Variants in PLXDC2 observed in about 807,000 individuals in gnomAD.
PLXDC2 encodes plexin domain-containing protein 2.
Under a neutral mutation model 68.9 loss-of-function variants are expected in PLXDC2, and 40 were observed. The ratio of observed to expected loss-of-function variants is 0.58; its 90% CI spans 0.45 to 0.76. The LOEUF (loss-of-function observed/expected upper bound fraction) is 0.76. PLXDC2 is among the 30% of genes least tolerant of loss of function. The probability of loss-of-function intolerance (pLI) is 0.00; values close to 1 mark genes in which losing one functional copy is unlikely to be tolerated. For missense variants in PLXDC2, 644 were observed against 661.9 expected, an observed-to-expected ratio of 0.97 and a Z score of 0.30; for synonymous variants, 243 against 234.2, an observed-to-expected ratio of 1.04 and a Z score of -0.34.
chr10:20,185,200 T>G (rs1018406248), intron 9 of PLXDC2, among the ~76,000 whole-genome samples: 1 of 147,464 alleles, frequency 6.8e-6, no homozygotes, highest in African/African-American at 2.5e-5. Context: ...ATGGGTATTT[T>G]CCATACAGTG....
In PLXDC2 at chr10:20,149,429, G is replaced by A. The variant is rs139599365; in HGVS notation, c.783+1527G>A. 1.1e-3 allele frequency among the ~76,000 whole-genome samples: 174 copies of A among 151,602 alleles called. 2 individuals carry two copies. The highest frequency in any genetic ancestry group is 4.0e-3 in the African/African-American group (167 of 41,388). On this transcript the variant is annotated intron_variant, in intron 6 of 13. Coordinates refer to ENST00000377252, the MANE Select transcript of PLXDC2 (RefSeq NM_032812.9). ...AATTTTTGTATTTTTAGTAGAGACG[G>A]GGTTTCTCCATGTTGATCAGGCTGG... is the stretch of plus-strand genomic sequence containing the variant.
At chr10:20,054,691 C>T (rs1002367840) in intron 3 of PLXDC2, among the ~76,000 whole-genome samples, 11 of 151,736 alleles carry the variant, frequency 7.2e-5, no homozygotes, top group East Asian at 3.9e-4. Flanking sequence ...CATCACACAC[C>T]GGGGCCTATT....
chr10:20,034,516 T>G (rs1835547750), intron 2 of PLXDC2, among the ~76,000 whole-genome samples: 1 of 152,178 alleles, frequency 6.6e-6, no homozygotes, highest in Non-Finnish European at 1.5e-5. Flanking sequence ...AAAAGGGAGT[T>G]TTCAGAATAT....
At chr10:19,930,644 C>T (rs560777869) in intron 1 of PLXDC2, among the ~76,000 whole-genome samples, 13 of 151,942 alleles carry the variant, frequency 8.6e-5, no homozygotes, top group South Asian at 8.3e-4. Flanking sequence ...TAAAACAGAG[C>T]CTGTTTAAAA....
At chr10:20,183,560 G>A (rs1005649013) in intron 9 of PLXDC2, among the ~76,000 whole-genome samples, 2 of 151,884 alleles carry the variant, frequency 1.3e-5, no homozygotes, top group Admixed American at 6.6e-5. Context: ...TTTGCCACCT[G>A]AATTGGGAGA....
chr10:20,173,067 A>G (rs927771925), intron 7 of PLXDC2, among the ~76,000 whole-genome samples: 1 of 152,224 alleles, frequency 6.6e-6, no homozygotes, highest in African/African-American at 2.4e-5. Flanking sequence ...TGTAGCCACT[A>G]TAATAGTGTC....
chr10:20,126,889 TATATA>T lies in PLXDC2; in HGVS notation c.542-16400_542-16396del, dbSNP rs534883246. Among the ~76,000 whole-genome samples, 421 of 147,746 alleles carry T rather than the reference TATATA, an allele frequency of 2.8e-3. 2 individuals carry two copies. Among genetic ancestry groups the T allele is most frequent in the African/African-American group, 9.9e-3 (402 of 40,554 alleles). ...TGTATATATAATATATGATATATAC[TATATA>T]ATATATGTATATATGTATATATTAT... On this transcript the variant is annotated intron_variant, in intron 4 of 13. Transcript: ENST00000377252.
At chr10:20,271,716 G>T (rs1021224220) in intron 13 of PLXDC2, among the ~76,000 whole-genome samples, 5 of 152,114 alleles carry the variant, frequency 3.3e-5, no homozygotes, top group African/African-American at 1.2e-4. Context: ...ATGCAGGCTG[G>T]CAGGAAGTTA....
chr10:20,046,806 T>A, intron 2 of PLXDC2, 63 bp from the exon 3 acceptor site: 2 of 1,485,258 alleles, frequency 1.3e-6, no homozygotes, highest in East Asian at 4.6e-5. Flanking sequence ...AATAGGATTT[T>A]TTTTAAAGAA....
chr10:20,263,921 G>A (rs1835840032), intron 13 of PLXDC2, among the ~76,000 whole-genome samples: 1 of 152,010 alleles, frequency 6.6e-6, no homozygotes, highest in Non-Finnish European at 1.5e-5. Flanking sequence ...AGAGCTAAAA[G>A]CAGAACTACC....
At chr10:20,062,006 C>G (rs1172089494) in intron 3 of PLXDC2, among the ~76,000 whole-genome samples, 17 of 152,172 alleles carry the variant, frequency 1.1e-4, no homozygotes, top group Admixed American at 1.1e-3. Context: ...ATGTACACAG[C>G]ATATTGTTAT....
chr10:20,171,932 T>A (rs561985112), intron 7 of PLXDC2, among the ~76,000 whole-genome samples: 1 of 152,106 alleles, frequency 6.6e-6, no homozygotes, highest in African/African-American at 2.4e-5. Flanking sequence ...AGAAAGACAC[T>A]GGAGACTGGG....
chr10:19,992,063 G>C (rs1465010365), intron 1 of PLXDC2, among the ~76,000 whole-genome samples: 1 of 152,102 alleles, frequency 6.6e-6, no homozygotes, highest in Non-Finnish European at 1.5e-5. Context: ...TTTACCAAGT[G>C]GTTTTAGTTG....
intron 1 of PLXDC2, among the ~76,000 whole-genome samples, chr10:19,916,340 G>T (rs1434143015): frequency 1.7e-5 from 2 of 121,066 alleles, no homozygotes; most frequent in African/African-American, 2.9e-5. Flanking sequence ...GTAGAGATGG[G>T]GTTTCGCCAC....
intron 4 of PLXDC2, among the ~76,000 whole-genome samples, chr10:20,072,282 A>G (rs1273381638): frequency 6.6e-6 from 1 of 151,774 alleles, no homozygotes; most frequent in Non-Finnish European, 1.5e-5. Context: ...CGACAGGAGA[A>G]TCGCTTGAAC....
intron 12 of PLXDC2, among the ~76,000 whole-genome samples, chr10:20,232,406 A>G (rs1307006162): frequency 6.6e-6 from 1 of 152,206 alleles, no homozygotes; most frequent in African/African-American, 2.4e-5. Flanking sequence ...ACACGCACAC[A>G]CAGACACACA....
chr10:20,007,186 C>A (rs368007200), intron 2 of PLXDC2, among the ~76,000 whole-genome samples: 140 of 152,312 alleles, frequency 9.2e-4, no homozygotes, highest in African/African-American at 3.3e-3. Context: ...GCAGGGCAAG[C>A]ATCTTCCCCT....
chr10:20,045,480 A>T (rs1174831900), intron 2 of PLXDC2, among the ~76,000 whole-genome samples: 1 of 152,132 alleles, frequency 6.6e-6, no homozygotes, highest in African/African-American at 2.4e-5. Flanking sequence ...TCTTCATTAC[A>T]TAAAAAAACT....
At chr10:20,001,143 G>T (rs2131637051) in intron 1 of PLXDC2, among the ~76,000 whole-genome samples, 1 of 152,286 alleles carries the variant, frequency 6.6e-6, no homozygotes, top group Non-Finnish European at 1.5e-5. Context: ...TTCAAGGTGA[G>T]AACGGCACAG....
Sources: gnomAD v4.1 joint callset for allele counts (sites outside exome capture counted in the v4.1 genomes callset) on GRCh38, gnomAD v4.1.1 for gene constraint, MANE v1.5 for transcripts, NCBI Gene and HGNC (gene_info 2026-07-23, HGNC 2026-07-21) for gene names.